PLEKHG5: variants seen among roughly 807,000 people sequenced by gnomAD.
PLEKHG5 encodes pleckstrin homology and RhoGEF domain containing G5.
In PLEKHG5, 52 loss-of-function variants were observed where a neutral mutation model predicts 103.8. The ratio of observed to expected loss-of-function variants is 0.50; its 90% CI spans 0.40 to 0.63. The LOEUF is 0.63. Among genes scored for constraint, PLEKHG5 ranks in the 30% least tolerant of loss-of-function variants. The pLI, the probability that PLEKHG5 is intolerant of heterozygous loss-of-function variation, is 0.00. For synonymous variants in PLEKHG5, 592 were observed against 575.5 expected, an observed-to-expected ratio of 1.03 and a Z score of -0.41; for missense variants, 1,205 against 1,347.6, an observed-to-expected ratio of 0.89 and a Z score of 1.66.
chr1:6,470,701 A>T, intron 14 of PLEKHG5, 34 bp downstream of exon 14: 3 of 1,552,334 alleles, frequency 1.9e-6, no homozygotes, highest in Non-Finnish European at 2.6e-6. Context: ...AGAGCCGCGC[A>T]GGGGGGACGG....
At chr1:6,468,664 G>T in intron 19 of PLEKHG5, 78 bp from the exon 20 acceptor site, 1 of 1,499,346 alleles carries the variant, frequency 6.7e-7, no homozygotes, top group East Asian at 2.3e-5. Flanking sequence ...GGCAATGCAC[G>T]GTGGTTTATA....
intron 1 of PLEKHG5, among the ~76,000 whole-genome samples, chr1:6,518,906 C>T (rs528025785): frequency 3.5e-4 from 53 of 152,276 alleles, no homozygotes; most frequent in African/African-American, 1.2e-3. Flanking sequence ...TGCAGTGGCA[C>T]GATTTCTGCT....
intron 1 of PLEKHG5, among the ~76,000 whole-genome samples, chr1:6,480,838 G>A (rs558662815): frequency 3.3e-5 from 5 of 151,888 alleles, no homozygotes; most frequent in East Asian, 2.0e-4. Flanking sequence ...ATAGGATTTC[G>A]CCATGTTGCA....
chr1:6,469,282 G>A (rs867927189), intron 18 of PLEKHG5, 41 bp from the exon 19 acceptor site: 1 of 1,613,240 alleles, frequency 6.2e-7, no homozygotes, highest in East Asian at 2.2e-5. Context: ...AATGGGTTGT[G>A]ACCAGCATCT....
In PLEKHG5 at chr1:6,470,514, C is replaced by T; in HGVS notation, c.1672G>A (p.Val558Met). ...YEVVESSSDE[V>M]DKLLKEFLHL... ...CAGACACACACGCCCACCTTGTCCA[C>T]TTCGTCGCTGCTGCTTTCCACCACC... Residue 558 changes from valine to methionine, a missense_variant, in exon 15 of 21, where the codon GTG (valine) becomes ATG (methionine). By Grantham distance (21) the Val-to-Met change is conservative. Coordinates refer to ENST00000377728, the MANE Select transcript of PLEKHG5 (RefSeq NM_020631.6). 1 of 1,610,144 alleles carries T rather than the reference C, an allele frequency of 6.2e-7. No individual in the cohort carries two copies. The highest frequency in any genetic ancestry group is 8.5e-7 in the Non-Finnish European group (1 of 1,179,966).
rs1455406676 is a variant in PLEKHG5, at chr1:6,473,998, C to T, written c.591+15G>A. 6.7e-7 allele frequency: 1 copy of T among 1,503,264 alleles called. No homozygotes were observed. The highest frequency in any genetic ancestry group is 2.4e-5 in the East Asian group (1 of 41,952). 93.1% of individuals were successfully genotyped at this position (1,503,264 alleles called of 1,614,324 possible). On this transcript the variant is annotated intron_variant, in intron 7 of 20. Transcript: ENST00000377728. ...CCTTCCCACCCCCTCCCCTGACACA[C>T]CCCCTCCTCCTCACCAAGATGTCCA...
rs571576611 is a variant in PLEKHG5 at position 6,518,490 on chromosome 1, G to A, written c.-165+955C>T. Reference sequence around the variant, plus strand: ...CAGGAGAATCACTTGAACCCAGGAGGCGGAGCTTGTGGTGAGCCATATCGC... The same window carrying A: ...CAGGAGAATCACTTGAACCCAGGAGACGGAGCTTGTGGTGAGCCATATCGC... On this transcript the variant is annotated intron_variant, in intron 1 of 21. Transcript: ENST00000377740. 3.6e-3 allele frequency among the ~76,000 whole-genome samples: 548 copies of A among 150,760 alleles called. 3 individuals are homozygous for A. The highest frequency in any genetic ancestry group is 6.8e-3 in the Non-Finnish European group (460 of 67,734).
chr1:6,516,718 CAT>C (rs1395091717), intron 1 of PLEKHG5, among the ~76,000 whole-genome samples: 10 of 146,892 alleles, frequency 6.8e-5, no homozygotes, highest in Admixed American at 1.4e-4. Context: ...TTTGTACTGG[CAT>C]ATATATATAT....
intron 1 of PLEKHG5, chr1:6,485,317 C>G (rs1399130793): frequency 7.1e-7 from 1 of 1,413,514 alleles, no homozygotes; most frequent in African/African-American, 1.5e-5. Context: ...CCGTCCCGGC[C>G]CCGTACCTGG....
intron 1 of PLEKHG5, among the ~76,000 whole-genome samples, chr1:6,512,926 G>T (rs1048540185): frequency 2.6e-5 from 4 of 152,316 alleles, no homozygotes; most frequent in African/African-American, 9.6e-5. Flanking sequence ...ATCCAGGAGA[G>T]TCCCCTCCAA....
rs752858068 is a variant in PLEKHG5 at position 6,474,446 on chromosome 1, C to T, written c.439+5G>A. ...CGGCCCCATTTGGCCCAGGCTGCTT[C>T]TCACCTTTGACACGAAGGTAGTGTC... is the stretch of plus-strand genomic sequence containing the variant. On this transcript the variant is annotated splice_donor_5th_base_variant and intron_variant, in intron 6 of 20. Transcript: ENST00000377728. The T allele has an allele frequency of 1.9e-6, 3 of 1,613,688 alleles. No individual in the cohort carries two copies. The highest frequency in any genetic ancestry group is 1.3e-5 in the African/African-American group (1 of 74,944).
chr1:6,497,130 G>A, upstream of PLEKHG5: 2 of 1,184,402 alleles, frequency 1.7e-6, no homozygotes, highest in African/African-American at 1.5e-5. This position sits in a 1 kb window ranked among gnomAD's most constrained non-coding sequence, Gnocchi z 6.1. Flanking sequence ...GAGAGGCGGG[G>A]GGAGGGAGGA....
upstream of PLEKHG5, among the ~76,000 whole-genome samples, chr1:6,493,727 C>T (rs557083101): frequency 2.1e-4 from 32 of 151,790 alleles, no homozygotes; most frequent in Non-Finnish European, 3.5e-4. Context: ...GTGATCTCAG[C>T]TCACTGCAAC....
intron 1 of PLEKHG5, among the ~76,000 whole-genome samples, chr1:6,488,963 A>G (rs1264230514): frequency 6.6e-6 from 1 of 151,964 alleles, no homozygotes; most frequent in East Asian, 1.9e-4. Flanking sequence ...GAAACCAGGG[A>G]TCCCCCAGGC....
upstream of PLEKHG5, among the ~76,000 whole-genome samples, chr1:6,494,616 C>T (rs1645197272): frequency 6.6e-6 from 1 of 152,100 alleles, no homozygotes; most frequent in Non-Finnish European, 1.5e-5. Context: ...TTTCTCTTAC[C>T]AAATCTGAGT....
rs1378533140 is a variant in PLEKHG5 at position 6,467,363 on chromosome 1, G to A, written c.*200C>T. 6 of 713,912 alleles carry A rather than the reference G, an allele frequency of 8.4e-6. No homozygotes were observed. In the East Asian group the frequency reaches 1.3e-4, roughly 15 times the overall value. 44.2% of individuals were successfully genotyped at this position (713,912 alleles called of 1,614,324 possible). A position where few individuals can be genotyped will look rare whatever the true frequency, so the allele number is the denominator to read the frequency against. ...TGACGAGGGGCTGCCTGGGCAGGTG[G>A]GGTGGTACTGTGGCCTGGGCCTCCT... On this transcript the variant is annotated 3_prime_UTR_variant, in exon 21 of 21. Coordinates refer to ENST00000377728, the MANE Select transcript of PLEKHG5 (RefSeq NM_020631.6).
chr1:6,493,065 G>A (rs1645174346), upstream of PLEKHG5, among the ~76,000 whole-genome samples: 1 of 152,134 alleles, frequency 6.6e-6, no homozygotes. Context: ...CTCCCAGTGG[G>A]AACTCCAGGG....
At position 6,505,038 on chromosome 1, in the gene PLEKHG5, C is replaced by T. The variant is rs948537432; in HGVS notation, c.-164-8469G>A. ...CTCATCCAGGACAGGCTCCTGCTCC[C>T]TGGGCTTGTGGCCTGGGGGAGGCCA... On this transcript the variant is annotated intron_variant, in intron 1 of 21. Coordinates refer to the PLEKHG5 transcript ENST00000377740. The surrounding 1 kb of genome is among the most constrained non-coding windows in gnomAD (Gnocchi z 4.2). 1.3e-5 allele frequency among the ~76,000 whole-genome samples: 2 copies of T among 152,184 alleles called. No individual in the cohort carries two copies. The highest frequency in any genetic ancestry group is 4.1e-4 in the South Asian group (2 of 4,832).
chr1:6,475,978 T>C lies in PLEKHG5; in HGVS notation c.102A>G (p.Ala34=), dbSNP rs771144155. ...TRSCPPRTSP[A]VDLEEEEEES... is the part of the protein sequence containing the mutation. The stretch of plus-strand genomic sequence containing the variant: ...CCTCCTCCTCCTCCTCCAAGTCCAC[T>C]GCGGGGCTGGTGCGCGGCGGGCATG... Residue 34 remains alanine (A), a synonymous_variant, in exon 3 of 21, where the codon GCA becomes GCG. Coordinates refer to ENST00000377728, the MANE Select transcript of PLEKHG5 (RefSeq NM_020631.6). 6 of 1,613,984 alleles carry C rather than the reference T, an allele frequency of 3.7e-6. No individual in the cohort carries two copies. The highest frequency in any genetic ancestry group is 5.1e-6 in the Non-Finnish European group (6 of 1,180,010).
Sources: allele counts gnomAD v4.1 joint callset (sites outside exome capture counted in the v4.1 genomes callset), GRCh38; gene constraint gnomAD v4.1.1; non-coding constraint Gnocchi (gnomAD v3.1); transcripts MANE v1.5; gene names NCBI Gene and HGNC (gene_info 2026-07-23, HGNC 2026-07-21).